The following RNF111 variants were observed in gnomAD, a reference collection of about 807,000 sequenced individuals.
RNF111 encodes the protein ring finger protein 111.
A neutral mutation model predicts 95.1 loss-of-function variants in RNF111; 17 were observed. That is an observed-to-expected ratio of 0.18 (90% confidence interval 0.12 to 0.27). The LOEUF (loss-of-function observed/expected upper bound fraction) is 0.27, where lower values mean the gene tolerates loss of function less well. Ranked by LOEUF, RNF111 falls within the 10% of genes least tolerant of loss-of-function variation. The probability of loss-of-function intolerance (pLI) is 1.00; values close to 1 mark genes in which losing one functional copy is unlikely to be tolerated. For synonymous variants in RNF111, 440 were observed against 414.8 expected (o/e 1.06, Z -0.74); for missense variants, 1,189 against 1,210.4 (o/e 0.98, Z 0.26).
chr15:58,995,449 TTTAACA>T (rs2039021407), intron 1 of RNF111, among the ~76,000 whole-genome samples: 1 of 143,972 alleles, frequency 6.9e-6, no homozygotes, highest in Non-Finnish European at 1.5e-5. Context: ...CCTGTGTCTT[TTTAACA>T]TAACCTCTTG....
intron 2 of RNF111, among the ~76,000 whole-genome samples, chr15:59,037,800 C>A (rs553425282): frequency 6.6e-6 from 1 of 152,230 alleles, no homozygotes; most frequent in South Asian, 2.1e-4. Context: ...CACGCCATTG[C>A]ACTCCAGCCT....
At chr15:59,084,087 T>C (rs1357596584) in intron 8 of RNF111, 42 bp from the exon 9 acceptor site, 2 of 1,530,064 alleles carry the variant, frequency 1.3e-6, no homozygotes, top group Non-Finnish European at 8.8e-7. Flanking sequence ...TAACCAATTA[T>C]TCAATTATTT....
chr15:59,020,841 T>C (rs2040303595), intron 1 of RNF111, among the ~76,000 whole-genome samples: 1 of 152,226 alleles, frequency 6.6e-6, no homozygotes, highest in East Asian at 1.9e-4. Context: ...GCTAAAGAAA[T>C]TTGGTTCTTT....
intron 1 of RNF111, among the ~76,000 whole-genome samples, chr15:59,001,242 G>A (rs73414896): frequency 2.7e-4 from 41 of 152,238 alleles, no homozygotes; most frequent in African/African-American, 8.4e-4. Context: ...GAGGAGAATG[G>A]TGGTCTCTGA....
rs1438955264 is a variant in RNF111 at position 59,094,876 on chromosome 15, G to A, written c.2937G>A (p.Glu979=). 1.9e-6 allele frequency: 3 copies of A among 1,607,342 alleles called. No homozygotes were observed. Among genetic ancestry groups the A allele is most frequent in the Non-Finnish European group, 2.6e-6 (3 of 1,174,462 alleles). ...KKCPICRVDI[E]AQLPSES ...GCCCCATATGCAGAGTGGACATTGA[G>A]GCCCAGCTGCCAAGTGAAAGTTGAC... The change falls in exon 14 of 14, where the codon GAG becomes GAA. Residue 979 remains glutamate (E), a synonymous_variant. Transcript: ENST00000348370.
At chr15:59,051,468 AG>A (rs1271021565) in intron 2 of RNF111, among the ~76,000 whole-genome samples, 1 of 144,414 alleles carries the variant, frequency 6.9e-6, no homozygotes, top group Non-Finnish European at 1.5e-5. Flanking sequence ...AAAAAAAAAA[AG>A]GAAAAAAAAA....
chr15:59,086,281 G>A (rs2078898734), intron 10 of RNF111, among the ~76,000 whole-genome samples: 1 of 151,942 alleles, frequency 6.6e-6, no homozygotes, highest in South Asian at 2.1e-4. Flanking sequence ...CACCATGCCT[G>A]GCTAATTTTT....
intron 1 of RNF111, among the ~76,000 whole-genome samples, chr15:59,008,339 T>C (rs2039635410): frequency 6.6e-6 from 1 of 152,174 alleles, no homozygotes; most frequent in South Asian, 2.1e-4. Flanking sequence ...TGCCTCAGCC[T>C]CCTGAGTAGC....
At chr15:59,050,671 G>C (rs187803728) in intron 2 of RNF111, among the ~76,000 whole-genome samples, 1 of 152,292 alleles carries the variant, frequency 6.6e-6, no homozygotes, top group Admixed American at 6.5e-5. Context: ...TTTGGAAAGA[G>C]CTATAACACC....
intron 5 of RNF111, among the ~76,000 whole-genome samples, chr15:59,058,903 A>G (rs1377794316): frequency 6.6e-6 from 1 of 152,228 alleles, no homozygotes; most frequent in Non-Finnish European, 1.5e-5. Context: ...AAGACAGCCT[A>G]CAGAATGGGG....
chr15:59,070,512 A>G (rs1177126781), intron 6 of RNF111, among the ~76,000 whole-genome samples: 3 of 152,136 alleles, frequency 2.0e-5, no homozygotes, highest in East Asian at 3.9e-4. Context: ...AACCATAAAC[A>G]TAAATTCAGT....
At chr15:59,052,102 A>G (rs1421625794) in intron 2 of RNF111, among the ~76,000 whole-genome samples, 1 of 152,232 alleles carries the variant, frequency 6.6e-6, no homozygotes, top group African/African-American at 2.4e-5. Flanking sequence ...AAACATGCAA[A>G]GAAGTGTAGA....
In RNF111 at chr15:59,002,555, T is replaced by TA. The variant is rs35689684; in HGVS notation, c.-20+14500dup. Among the ~76,000 whole-genome samples the TA allele has an allele frequency of 7.4e-4, 107 of 144,932 alleles. 1 individual carries two copies. Among genetic ancestry groups the TA allele is most frequent in the African/African-American group, 1.4e-3 (57 of 39,362 alleles). The stretch of plus-strand genomic sequence containing the variant: ...AAGCCCTCATAACTGTGCATTTAAT[T>TA]AAAAAAAAAAAAAGAGAGAGAGTGA... On this transcript the variant is annotated intron_variant, in intron 1 of 13. Coordinates refer to ENST00000348370, the MANE Select transcript of RNF111 (RefSeq NM_017610.8).
chr15:59,042,612 A>G (rs1052922092), intron 2 of RNF111, among the ~76,000 whole-genome samples: 1 of 152,146 alleles, frequency 6.6e-6, no homozygotes, highest in Non-Finnish European at 1.5e-5. Flanking sequence ...ATCCTTACGT[A>G]TAATAGGAAA....
chr15:59,084,094 A>G (rs774196936), intron 8 of RNF111, 35 bp from the exon 9 acceptor site: 2 of 1,540,834 alleles, frequency 1.3e-6, no homozygotes, highest in Non-Finnish European at 1.7e-6. Flanking sequence ...TTATTCAATT[A>G]TTTCCAGTGG....
rs149210201 is a variant in RNF111 at position 59,084,285 on chromosome 15, C to T, written c.2423+31C>T. On this transcript the variant is annotated intron_variant, in intron 9 of 13. Coordinates refer to ENST00000348370, the MANE Select transcript of RNF111 (RefSeq NM_017610.8). Reference sequence around the variant, plus strand: ...TATCTTCTTTAATTTCAAAACAGTGCTTCACAGCTTGTGGTAAAACTATTG... The same window carrying T: ...TATCTTCTTTAATTTCAAAACAGTGTTTCACAGCTTGTGGTAAAACTATTG... 358 of 1,524,844 alleles carry T rather than the reference C, an allele frequency of 2.3e-4. 6 individuals are homozygous for T. In the East Asian group the frequency reaches 8.7e-3, roughly 37 times the overall value. 94.5% of individuals were successfully genotyped at this position (1,524,844 alleles called of 1,614,324 possible). A position where few individuals can be genotyped will look rare whatever the true frequency, so the allele number is the denominator to read the frequency against.
intron 6 of RNF111, among the ~76,000 whole-genome samples, chr15:59,073,648 G>A (rs1052784996): frequency 2.0e-5 from 3 of 152,132 alleles, no homozygotes; most frequent in Non-Finnish European, 4.4e-5. Context: ...ATCCACTGAA[G>A]TCTTGAACCC....
At chr15:59,016,170 A>G (rs906758749) in intron 1 of RNF111, among the ~76,000 whole-genome samples, 1 of 147,516 alleles carries the variant, frequency 6.8e-6, no homozygotes, top group African/African-American at 2.5e-5. Flanking sequence ...ATGTATATAT[A>G]TATAGTTTTT....
intron 1 of RNF111, among the ~76,000 whole-genome samples, chr15:58,999,095 G>A (rs1877030033): frequency 1.3e-5 from 2 of 152,246 alleles, no homozygotes; most frequent in South Asian, 4.1e-4. Context: ...ACCTGAAAAG[G>A]TTATTAAATA....
Sources: gnomAD v4.1 joint callset for allele counts (sites outside exome capture counted in the v4.1 genomes callset) on GRCh38, gnomAD v4.1.1 for gene constraint, MANE v1.5 for transcripts, NCBI Gene and HGNC (gene_info 2026-07-23, HGNC 2026-07-21) for gene names.